Variants in KPNA6 observed in about 807,000 individuals in gnomAD.
KPNA6 encodes importin subunit alpha-7.
In KPNA6, 9 loss-of-function variants were observed where a neutral mutation model predicts 72.0. The ratio of observed to expected loss-of-function variants is 0.13; its 90% CI spans 0.08 to 0.22. The LOEUF is 0.22. Among genes scored for constraint, KPNA6 ranks in the 10% least tolerant of loss-of-function variants. The pLI, the probability that KPNA6 is intolerant of heterozygous loss-of-function variation, is 1.00. For missense variants in KPNA6, 374 were observed against 655.7 expected (o/e 0.57, Z 4.69); for synonymous variants, 219 against 242.1 (o/e 0.90, Z 0.89).
At chr1:32,140,555 T>C (rs1641819156) in intron 1 of KPNA6, among the ~76,000 whole-genome samples, 1 of 152,228 alleles carries the variant, frequency 6.6e-6, no homozygotes, top group East Asian at 1.9e-4. Flanking sequence ...CATTGAATCT[T>C]AGTGGATAAT....
At chr1:32,169,628 T>G (rs1223672369) in intron 12 of KPNA6, among the ~76,000 whole-genome samples, 12 of 150,534 alleles carry the variant, frequency 8.0e-5, no homozygotes, top group African/African-American at 2.4e-4. Flanking sequence ...TTTTTTTTTT[T>G]TGTATTTTTT....
In KPNA6 at chr1:32,170,843, G is replaced by A. The variant is rs1642422612; in HGVS notation, c.1560G>A (p.Gln520=). Residue 520 remains glutamine, a synonymous_variant, in exon 14 of 14, where the codon CAG becomes CAA. Transcript: ENST00000373625. ...CTCCCCAAGTCGATGAAACGCAACA[G>A]CAGTTCATCTTCCAGCAGCCTGAGG... ...SLAPQVDETQ[Q]QFIFQQPEAP... is the part of the protein sequence containing the mutation. 6.2e-7 allele frequency: 1 copy of A among 1,614,198 alleles called. No individual in the cohort carries two copies. Among genetic ancestry groups the A allele is most frequent in the African/African-American group, 1.3e-5 (1 of 75,046 alleles).
chr1:32,139,023 A>C (rs1018069237), intron 1 of KPNA6, among the ~76,000 whole-genome samples: 3 of 152,106 alleles, frequency 2.0e-5, no homozygotes, highest in Non-Finnish European at 4.4e-5. Context: ...AGTCACAAGG[A>C]AGGTTTCTTT....
chr1:32,155,854 C>T (rs138147694), intron 2 of KPNA6, among the ~76,000 whole-genome samples: 2 of 151,618 alleles, frequency 1.3e-5, no homozygotes, highest in Non-Finnish European at 2.9e-5. Flanking sequence ...ATCCTTCTTC[C>T]TCAGCCTCCT....
chr1:32,124,931 A>G (rs1361977411), intron 1 of KPNA6, among the ~76,000 whole-genome samples: 1 of 150,120 alleles, frequency 6.7e-6, no homozygotes, highest in Non-Finnish European at 1.5e-5. Flanking sequence ...TGCAACCTCC[A>G]CCTCCCAGGT....
rs1642437137 is a variant in KPNA6 at position 32,171,559 on chromosome 1, G to A, written c.*665G>A. ...CTGCCTGCATTGCCTGGGACTAGAG[G>A]CTGGGGAGGCTACCATGAAACAAAG... On this transcript the variant is annotated 3_prime_UTR_variant, in exon 14 of 14. Transcript: ENST00000373625. 2 of 152,274 alleles carry A rather than the reference G, an allele frequency of 1.3e-5. No homozygotes were observed. The highest frequency in any genetic ancestry group is 4.1e-4 in the South Asian group (2 of 4,828). The allele number at this position is 152,274 out of a possible 1,614,324, so 9.4% of individuals were successfully genotyped here. A position where few individuals can be genotyped will look rare whatever the true frequency, so the allele number is the denominator to read the frequency against.
rs112921398 is a variant in KPNA6, at chr1:32,128,837, A to C, written c.4+20703A>C. Among the ~76,000 whole-genome samples the C allele has an allele frequency of 2.0e-4, 30 of 152,278 alleles. 1 individual carries two copies. The highest frequency in any genetic ancestry group is 7.0e-4 in the African/African-American group (29 of 41,568). On this transcript the variant is annotated intron_variant, in intron 1 of 13. Coordinates refer to ENST00000373625, the MANE Select transcript of KPNA6 (RefSeq NM_012316.5). ...CAGGAATTTTGAAAAGCCATCTTCAAATCTAACCCACTTTACCAGCATAGC... is the reference window on the plus strand; with the variant it reads ...CAGGAATTTTGAAAAGCCATCTTCACATCTAACCCACTTTACCAGCATAGC...
rs1159422416 is a variant in KPNA6, at chr1:32,173,954, T to G, written c.*3060T>G. 6.6e-6 allele frequency: 1 copy of G among 152,514 alleles called. No homozygotes were observed. Among genetic ancestry groups the G allele is most frequent in the East Asian group, 1.9e-4 (1 of 5,206 alleles). 9.4% of individuals were successfully genotyped at this position (152,514 alleles called of 1,614,324 possible). On this transcript the variant is annotated 3_prime_UTR_variant, in exon 14 of 14. Coordinates refer to ENST00000373625, the MANE Select transcript of KPNA6 (RefSeq NM_012316.5). Reference sequence around the variant, plus strand: ...TTGGCTAATGTTTTCCAATACTTTTTTGAATGGTGCCAGCCCCTCCAGGCA... The same window carrying G: ...TTGGCTAATGTTTTCCAATACTTTTGTGAATGGTGCCAGCCCCTCCAGGCA...
chr1:32,113,133 A>G (rs999210188), intron 1 of KPNA6, among the ~76,000 whole-genome samples: 3 of 152,168 alleles, frequency 2.0e-5, no homozygotes, highest in Non-Finnish European at 4.4e-5. Context: ...GCTCACGCCT[A>G]TGATGCCAGC....
intron 2 of KPNA6, among the ~76,000 whole-genome samples, chr1:32,155,183 G>A (rs1221869091): frequency 6.7e-6 from 1 of 148,670 alleles, no homozygotes; most frequent in East Asian, 2.0e-4. Context: ...TTCCTTTGTT[G>A]TAAATAAATG....
At chr1:32,158,502 C>T (rs1642184005) in intron 5 of KPNA6, 141 bp downstream of exon 5, 1 of 561,206 alleles carries the variant, frequency 1.8e-6, no homozygotes, top group African/African-American at 1.9e-5. Context: ...AATGGGGTAT[C>T]CATTTCCTCA....
chr1:32,173,215 C>T lies in KPNA6; in HGVS notation c.*2321C>T, dbSNP rs145183590. The T allele has an allele frequency of 2.6e-3, 1,009 of 394,536 alleles. 15 individuals carry two copies. Among genetic ancestry groups the T allele is most frequent in the East Asian group, 0.025 (699 of 27,646 alleles). 24.4% of individuals were successfully genotyped at this position (394,536 alleles called of 1,614,324 possible). A position where few individuals can be genotyped will look rare whatever the true frequency, so the allele number is the denominator to read the frequency against. ...AAAAAGCCTTCCCCTACCCAACCTC[C>T]GCCCATTGTTCTCTTCCAAAGGGCA... On this transcript the variant is annotated 3_prime_UTR_variant, in exon 14 of 14. Transcript: ENST00000373625.
intron 1 of KPNA6, among the ~76,000 whole-genome samples, chr1:32,126,660 C>T (rs1357765231): frequency 2.6e-5 from 4 of 152,142 alleles, no homozygotes. Flanking sequence ...GCTAGGATTA[C>T]AGGTGTGAGT....
At position 32,174,839 on chromosome 1, in the gene KPNA6, C is replaced by T. The variant is rs1295658658; in HGVS notation, c.*3945C>T. The stretch of plus-strand genomic sequence containing the variant: ...ATGGTAAACATCTTCAATAGAACTA[C>T]CCTAGAATTTAGTGAGTGTGAGACT... On this transcript the variant is annotated 3_prime_UTR_variant, in exon 14 of 14. Transcript: ENST00000373625. 3 of 152,184 alleles carry T rather than the reference C, an allele frequency of 2.0e-5. No individual in the cohort carries two copies. The East Asian group carries it at 5.8e-4, about 29-fold the overall frequency. 9.4% of individuals were successfully genotyped at this position (152,184 alleles called of 1,614,324 possible).
chr1:32,116,174 T>TTTTTC (rs1195901758), intron 1 of KPNA6, among the ~76,000 whole-genome samples: 3 of 151,156 alleles, frequency 2.0e-5, no homozygotes, highest in Admixed American at 6.6e-5. Flanking sequence ...ATAAGGCTGT[T>TTTTTC]TTTTCTTTTC....
chr1:32,129,666 C>G (rs747114168), intron 1 of KPNA6, among the ~76,000 whole-genome samples: 1 of 152,126 alleles, frequency 6.6e-6, no homozygotes, highest in Non-Finnish European at 1.5e-5. Context: ...AGTGATCGTC[C>G]TGCCTTAGCT....
chr1:32,114,441 C>CAAAAA lies in KPNA6; in HGVS notation c.4+6314_4+6318dup, dbSNP rs1251610614. 3.2e-3 allele frequency among the ~76,000 whole-genome samples: 436 copies of CAAAAA among 135,298 alleles called. 2 individuals carry two copies. Among genetic ancestry groups the CAAAAA allele is most frequent in the African/African-American group, 0.012 (411 of 35,648 alleles). 88.8% of individuals were successfully genotyped at this position (135,298 alleles called of 152,430 possible). On this transcript the variant is annotated intron_variant, in intron 1 of 13. Transcript: ENST00000373625. ...GGGCGACAAGAACGAAACTCTGTCT[C>CAAAAA]AAAAAAAAAAATATATATATATATA... is the stretch of plus-strand genomic sequence containing the variant.
intron 13 of KPNA6, among the ~76,000 whole-genome samples, chr1:32,170,354 CCTT>C (rs1486991908): frequency 2.6e-5 from 4 of 152,160 alleles, no homozygotes; most frequent in African/African-American, 9.7e-5. Flanking sequence ...AGTTTCTTCT[CCTT>C]CTAAGGAGTG....
chr1:32,155,127 A>G (rs1350990009), intron 2 of KPNA6, among the ~76,000 whole-genome samples: 11 of 150,490 alleles, frequency 7.3e-5, no homozygotes, highest in East Asian at 5.8e-4. Flanking sequence ...AAAAAAAAAA[A>G]AAAAAAGAAA....
Sources: allele counts gnomAD v4.1 joint callset (sites outside exome capture counted in the v4.1 genomes callset), GRCh38; gene constraint gnomAD v4.1.1; transcripts MANE v1.5; gene names NCBI Gene and HGNC (gene_info 2026-07-23, HGNC 2026-07-21).